Variants in DDX1 observed in about 807,000 individuals in gnomAD.
DDX1 encodes the protein ATP-dependent RNA helicase DDX1.
DDX1 carries 28 observed loss-of-function variants against 108.7 expected under a neutral mutation model. The ratio of observed to expected loss-of-function variants is 0.26; its 90% confidence interval spans 0.19 to 0.35. The LOEUF is 0.35. Ranked by LOEUF, DDX1 falls within the 10% of genes least tolerant of loss-of-function variation. DDX1 has a pLI of 1.00. For synonymous variants in DDX1, 295 were observed against 288.9 expected (o/e 1.02, Z -0.21); for missense variants, 710 against 884.5 (o/e 0.80, Z 2.50).
chr2:15,609,937 GT>G (rs1446204738), intron 13 of DDX1, among the ~76,000 whole-genome samples: 1 of 151,958 alleles, frequency 6.6e-6, no homozygotes, highest in East Asian at 1.9e-4. Flanking sequence ...ATTCTTTTTG[GT>G]TTTGGTTTTA....
intron 16 of DDX1, 116 bp downstream of exon 16, chr2:15,618,386 C>G: frequency 3.2e-6 from 2 of 624,422 alleles, no homozygotes; most frequent in Non-Finnish European, 5.9e-6. Flanking sequence ...TAGTGATGCC[C>G]TTGCCCGGGT....
chr2:15,596,725 C>T lies in DDX1; in HGVS notation c.133-9C>T, dbSNP rs376378591. 4.2e-5 allele frequency: 68 copies of T among 1,610,388 alleles called. 1 individual carries two copies. In the Middle Eastern group the frequency reaches 6.6e-4, roughly 16 times the overall value. ...AATCTGTAAAATCAACTTTTTTCCCCTCATTCAGGCTGCAGAAACAGGAAG... is the reference window on the plus strand; with the variant it reads ...AATCTGTAAAATCAACTTTTTTCCCTTCATTCAGGCTGCAGAAACAGGAAG... On this transcript the variant is annotated splice_polypyrimidine_tract_variant and intron_variant, in intron 3 of 25. Coordinates refer to ENST00000233084, the MANE Select transcript of DDX1 (RefSeq NM_004939.3).
intron 20 of DDX1, chr2:15,627,630 TG>T: frequency 6.5e-6 from 1 of 153,504 alleles, no homozygotes; most frequent in Non-Finnish European, 1.5e-5. Flanking sequence ...TGTAAGTGGG[TG>T]GGTAAGTAAA....
chr2:15,617,384 TA>T, intron 15 of DDX1, 42 bp downstream of exon 15: 2 of 1,225,674 alleles, frequency 1.6e-6, no homozygotes, highest in Non-Finnish European at 2.3e-6. Context: ...AGTTTACTTA[TA>T]TTTTTTGAGA....
chr2:15,596,618 CTG>C (rs1489906189), intron 3 of DDX1, 114 bp from the exon 4 acceptor site: 3 of 840,366 alleles, frequency 3.6e-6, no homozygotes, highest in African/African-American at 1.7e-5. Context: ...TCTGGAGGCA[CTG>C]TGAAAATAAA....
chr2:15,606,238 G>A lies in DDX1; in HGVS notation c.791G>A (p.Gly264Asp). The A allele has an allele frequency of 1.2e-6, 2 of 1,613,740 alleles. No homozygotes were observed. Among genetic ancestry groups the A allele is most frequent in the Non-Finnish European group, 1.7e-6 (2 of 1,179,696 alleles). ...GFVALSKAPD[G>D]YIVKSQHSGN... is the part of the protein sequence containing the mutation. ...GTTGCTCTTTCCAAGGCACCGGATG[G>A]TTACATTGTCAAATCACAGCACTCA... The change falls in exon 12 of 26, where the codon GGT becomes GAT. Residue 264 changes from glycine (G) to aspartate (D), a missense_variant. Coordinates refer to ENST00000233084, the MANE Select transcript of DDX1 (RefSeq NM_004939.3).
At position 15,606,199 on chromosome 2, in the gene DDX1, C is replaced by T. The variant is rs1388696120; in HGVS notation, c.752C>T (p.Pro251Leu). The T allele has an allele frequency of 1.2e-5, 20 of 1,614,040 alleles. No individual in the cohort carries two copies. The highest frequency in any genetic ancestry group is 1.7e-5 in the Non-Finnish European group (20 of 1,179,982). ...NFGEEEFKFP[P>L]KDGFVALSKA... is the part of the protein sequence containing the mutation. The stretch of plus-strand genomic sequence containing the variant: ...GGTGAAGAGGAATTTAAGTTTCCAC[C>T]AAAAGATGGCTTTGTTGCTCTTTCC... Residue 251 changes from proline to leucine, a missense_variant, in exon 12 of 26, where the codon CCA (proline) becomes CTA (leucine). Physicochemically the swap from Pro to Leu is moderately conservative, Grantham distance 98 (BLOSUM62 -3). Transcript: ENST00000233084.
chr2:15,616,311 C>A lies in DDX1; in HGVS notation c.1018-933C>A, dbSNP rs1018185087. Among the ~76,000 whole-genome samples, 4 of 152,178 alleles carry A rather than the reference C, an allele frequency of 2.6e-5. No homozygotes were observed. The South Asian group carries it at 6.2e-4, about 24-fold the overall frequency. ...ATAACATGTTCTTACTCAGTACTTA[C>A]AATAATCCTCTGAGATGGTACTCTT... is the stretch of plus-strand genomic sequence containing the variant. On this transcript the variant is annotated intron_variant, in intron 14 of 25. Transcript: ENST00000233084.
chr2:15,624,700 T>G (rs1225230976), intron 19 of DDX1, among the ~76,000 whole-genome samples: 2 of 152,192 alleles, frequency 1.3e-5, no homozygotes, highest in African/African-American at 2.4e-5. Context: ...CCCAGCCAAA[T>G]TATATCATAA....
rs375661986 is a variant in DDX1 at position 15,623,421 on chromosome 2, G to A, written c.1448-15G>A. On this transcript the variant is annotated splice_polypyrimidine_tract_variant and intron_variant, in intron 18 of 25. Coordinates refer to ENST00000233084, the MANE Select transcript of DDX1 (RefSeq NM_004939.3). ...TGAAATTCTGTTGGTTTTTGTTGTTGTTATGATATTCAAGAGATGTGGTCT... is the reference window on the plus strand; with the variant it reads ...TGAAATTCTGTTGGTTTTTGTTGTTATTATGATATTCAAGAGATGTGGTCT... The A allele has an allele frequency of 1.6e-5, 26 of 1,611,912 alleles. No homozygotes were observed. In the African/African-American group the frequency reaches 3.2e-4, roughly 20 times the overall value.
At chr2:15,614,109 C>T (rs1337067025) in intron 14 of DDX1, among the ~76,000 whole-genome samples, 1 of 152,216 alleles carries the variant, frequency 6.6e-6, no homozygotes, top group Non-Finnish European at 1.5e-5. Context: ...GAGTGAACTA[C>T]TGCGCCTGGC....
At chr2:15,614,600 G>C (rs941319668) in intron 14 of DDX1, among the ~76,000 whole-genome samples, 1 of 152,146 alleles carries the variant, frequency 6.6e-6, no homozygotes, top group Admixed American at 6.5e-5. Context: ...CTGTAGGAGC[G>C]GGTTAGTTAT....
intron 23 of DDX1, among the ~76,000 whole-genome samples, 164 bp downstream of exon 23, chr2:15,629,003 A>G (rs1333158951): frequency 6.6e-6 from 1 of 152,186 alleles, no homozygotes; most frequent in Non-Finnish European, 1.5e-5. Flanking sequence ...GAATGGACAA[A>G]TAATAGGGTG....
At chr2:15,626,216 T>G (rs1245317290) in intron 19 of DDX1, among the ~76,000 whole-genome samples, 1 of 151,836 alleles carries the variant, frequency 6.6e-6, no homozygotes, top group Non-Finnish European at 1.5e-5. Flanking sequence ...AACCAGAGAG[T>G]TATAGTGTGT....
chr2:15,622,145 G>T (rs989925083), intron 18 of DDX1, among the ~76,000 whole-genome samples: 1 of 152,172 alleles, frequency 6.6e-6, no homozygotes, highest in African/African-American at 2.4e-5. Flanking sequence ...TGAAATAGTT[G>T]TTGACTTTTT....
chr2:15,614,569 A>G (rs374699817), intron 14 of DDX1, among the ~76,000 whole-genome samples: 73 of 152,300 alleles, frequency 4.8e-4, no homozygotes, highest in African/African-American at 1.7e-3. Context: ...CTTTGTCCTC[A>G]TGAATGGGTT....
chr2:15,606,155 T>C lies in DDX1; in HGVS notation c.708T>C (p.Ala236=). ...TCTGTTTTATTCAATGCTAGAATGC[T>C]GAACTGAAATTTAACTTCGGTGAAG... is the stretch of plus-strand genomic sequence containing the variant. ...ALFPACVLKN[A]ELKFNFGEEE... The change falls in exon 12 of 26, where the codon GCT becomes GCC. Residue 236 remains alanine (A), a synonymous_variant. Transcript: ENST00000233084. 1 of 1,612,516 alleles carries C rather than the reference T, an allele frequency of 6.2e-7. No homozygotes were observed. The highest frequency in any genetic ancestry group is 2.2e-5 in the East Asian group (1 of 44,866).
chr2:15,592,193 A>G (rs2148735034), intron 1 of DDX1, among the ~76,000 whole-genome samples: 1 of 152,264 alleles, frequency 6.6e-6, no homozygotes, highest in East Asian at 1.9e-4. Flanking sequence ...CCCTTCTACC[A>G]GTCTCCACTT....
chr2:15,621,951 G>C (rs1383572901), intron 18 of DDX1, among the ~76,000 whole-genome samples: 2 of 152,196 alleles, frequency 1.3e-5, no homozygotes, highest in Non-Finnish European at 2.9e-5. Context: ...ACTGCACCCA[G>C]CCACAAATAT....
Sources: allele counts gnomAD v4.1 joint callset (sites outside exome capture counted in the v4.1 genomes callset), GRCh38; gene constraint gnomAD v4.1.1; transcripts MANE v1.5; gene names NCBI Gene and HGNC (gene_info 2026-07-23, HGNC 2026-07-21).